The following SLC39A14 variants were observed in gnomAD, a reference collection of about 807,000 sequenced individuals.
SLC39A14 encodes the protein solute carrier family 39 member 14.
A neutral mutation model predicts 45.5 loss-of-function variants in SLC39A14; 19 were observed. The observed-to-expected ratio is 0.42, with a 90% confidence interval of 0.29 to 0.61. The LOEUF (loss-of-function observed/expected upper bound fraction) is 0.61. Among genes scored for constraint, SLC39A14 ranks in the 20% least tolerant of loss-of-function variants. The pLI is 0.22. For missense variants in SLC39A14, 447 were observed against 616.5 expected (o/e 0.73, Z 2.91); for synonymous variants, 264 against 251.3 (o/e 1.05, Z -0.48).
chr8:22,397,692 TCTTGGCTCACCCAGGGCCTTTTG>T (rs1383368696), intron 1 of SLC39A14, among the ~76,000 whole-genome samples: 1 of 152,180 alleles, frequency 6.6e-6, no homozygotes, highest in Non-Finnish European at 1.5e-5. Flanking sequence ...TCCAGATGGC[TCTTGGCTCACCCAGGGCCTTTTG>T]CTATTGTGTG....
chr8:22,423,166 G>T (rs948871051), downstream of SLC39A14, among the ~76,000 whole-genome samples: 4 of 149,358 alleles, frequency 2.7e-5, no homozygotes, highest in African/African-American at 7.4e-5. Context: ...CTTTCTTTGA[G>T]ACAGTCTCAC....
At chr8:22,403,275 C>CGA (rs201273558) in intron 1 of SLC39A14, among the ~76,000 whole-genome samples, 13 of 147,084 alleles carry the variant, frequency 8.8e-5, no homozygotes, top group East Asian at 2.1e-4. Context: ...TGCGCCCGGC[C>CGA]TATTTATTTA....
chr8:22,375,294 A>G (rs1833154810), intron 1 of SLC39A14, among the ~76,000 whole-genome samples: 1 of 149,758 alleles, frequency 6.7e-6, no homozygotes, highest in Non-Finnish European at 1.5e-5. Flanking sequence ...ATTAAAAGTA[A>G]TGCATGCATA....
intron 1 of SLC39A14, among the ~76,000 whole-genome samples, chr8:22,380,063 A>G (rs1443465152): frequency 6.6e-6 from 1 of 152,202 alleles, no homozygotes; most frequent in East Asian, 1.9e-4. Context: ...TAAGTAACCT[A>G]GAGATGGTTT....
chr8:22,376,334 A>ATTTTTTTTTTTTTTTTTT (rs778041310), intron 1 of SLC39A14, among the ~76,000 whole-genome samples: 1 of 122,426 alleles, frequency 8.2e-6, no homozygotes, highest in Non-Finnish European at 1.7e-5. Context: ...ACCACACCTA[A>ATTTTTTTTTTTTTTTTTT]TTTTTTTTTT....
At chr8:22,412,884 G>T (rs867623288) in intron 4 of SLC39A14, among the ~76,000 whole-genome samples, 14 of 152,298 alleles carry the variant, frequency 9.2e-5, no homozygotes, top group Admixed American at 2.0e-4. Flanking sequence ...GCTGCAGTGA[G>T]CCGAGATTGC....
intron 8 of SLC39A14, among the ~76,000 whole-genome samples, chr8:22,427,853 C>A (rs4872492): frequency 0.59 from 88,965 of 152,042 alleles, 27,933 homozygotes; most frequent in African/African-American, 0.83. Context: ...ATTCAGTGAA[C>A]TAGTCTAACT....
intron 1 of SLC39A14, chr8:22,393,034 TTTA>T (rs1834169241): frequency 1.2e-5 from 2 of 163,926 alleles, no homozygotes; most frequent in African/African-American, 2.4e-5. Flanking sequence ...CACCAGAGTT[TTTA>T]TTATTATTTT....
intron 1 of SLC39A14, among the ~76,000 whole-genome samples, chr8:22,375,646 T>C (rs914026285): frequency 6.6e-6 from 1 of 151,980 alleles, no homozygotes; most frequent in Admixed American, 6.6e-5. Flanking sequence ...TGCACCACCA[T>C]GCCCGGCTAA....
intron 1 of SLC39A14, among the ~76,000 whole-genome samples, chr8:22,388,923 T>A (rs1444741711): frequency 6.6e-6 from 1 of 152,216 alleles, no homozygotes; most frequent in African/African-American, 2.4e-5. Context: ...TTTTTATTAA[T>A]CTGTTGATAA....
chr8:22,410,024 A>G (rs754490895), intron 3 of SLC39A14: 3 of 1,614,114 alleles, frequency 1.9e-6, no homozygotes, highest in Non-Finnish European at 2.5e-6. Context: ...CCCTGCACAG[A>G]GAAAGCGTTT....
intron 1 of SLC39A14, among the ~76,000 whole-genome samples, chr8:22,397,234 T>G (rs554006613): frequency 3.5e-4 from 53 of 152,278 alleles, no homozygotes; most frequent in Non-Finnish European, 5.9e-4. Flanking sequence ...CCCAGGCCAC[T>G]AGCACCCGCA....
chr8:22,370,156 G>C (rs1457933989), intron 1 of SLC39A14, among the ~76,000 whole-genome samples: 1 of 152,108 alleles, frequency 6.6e-6, no homozygotes, highest in Non-Finnish European at 1.5e-5. Flanking sequence ...GTGCTTGTGT[G>C]TGTGTGTGCA....
At chr8:22,396,091 G>A (rs1191545234) in intron 1 of SLC39A14, among the ~76,000 whole-genome samples, 2 of 152,172 alleles carry the variant, frequency 1.3e-5, no homozygotes, top group South Asian at 4.2e-4. Flanking sequence ...ACTTGGCCAG[G>A]CACAGTGGTT....
At chr8:22,416,458 A>G (rs1276390925) in intron 7 of SLC39A14, among the ~76,000 whole-genome samples, 178 bp downstream of exon 7, 1 of 151,794 alleles carries the variant, frequency 6.6e-6, no homozygotes, top group Non-Finnish European at 1.5e-5. Flanking sequence ...GGAGTCTCGC[A>G]CTGTTGCCCA....
chr8:22,422,743 G>T, downstream of SLC39A14: 1 of 983,046 alleles, frequency 1.0e-6, no homozygotes, highest in Non-Finnish European at 1.2e-6. Flanking sequence ...TGAACACAAG[G>T]TGGCGATGGT....
intron 1 of SLC39A14, among the ~76,000 whole-genome samples, chr8:22,374,053 T>G (rs528462922): frequency 9.8e-5 from 15 of 152,320 alleles, no homozygotes; most frequent in Admixed American, 4.6e-4. Flanking sequence ...ACTAAAGGCG[T>G]GAGCCACCGT....
chr8:22,422,198 G>T lies in SLC39A14; in HGVS notation c.*2500G>T, dbSNP rs1477939616. 1.0e-6 allele frequency: 1 copy of T among 985,212 alleles called. No homozygotes were observed. Among genetic ancestry groups the T allele is most frequent in the Non-Finnish European group, 1.2e-6 (1 of 829,832 alleles). 61.0% of individuals were successfully genotyped at this position (985,212 alleles called of 1,614,324 possible). A position where few individuals can be genotyped will look rare whatever the true frequency, so the allele number is the denominator to read the frequency against. ...GCAGCTTCGACCTCATTTTCCAGAT[G>T]CACCAGCTCCTATTAATAAGTTAGC... On this transcript the variant is annotated 3_prime_UTR_variant, in exon 9 of 9. Coordinates refer to ENST00000381237, the MANE Select transcript of SLC39A14 (RefSeq NM_001128431.4).
Position 22,415,036 on chromosome 8 carries a change from G to A in SLC39A14, c.750+134G>A, listed in dbSNP as rs1182408883. ...TTTCCGTGAAACTCTAATTTCTTGAGGAGACAATCCCATTTCACCTCCTGA... is the reference window on the plus strand; with the variant it reads ...TTTCCGTGAAACTCTAATTTCTTGAAGAGACAATCCCATTTCACCTCCTGA... On this transcript the variant is annotated intron_variant, in intron 5 of 8. Transcript: ENST00000381237. 22 of 1,093,944 alleles carry A rather than the reference G, an allele frequency of 2.0e-5. No individual in the cohort carries two copies. In the Middle Eastern group the frequency reaches 8.4e-4, roughly 42 times the overall value. 67.8% of individuals were successfully genotyped at this position (1,093,944 alleles called of 1,614,324 possible).
Sources: gnomAD v4.1 joint callset for allele counts (sites outside exome capture counted in the v4.1 genomes callset) on GRCh38, gnomAD v4.1.1 for gene constraint, MANE v1.5 for transcripts, NCBI Gene and HGNC (gene_info 2026-07-23, HGNC 2026-07-21) for gene names.